SLC38A1: variants seen among roughly 807,000 people sequenced by gnomAD.
SLC38A1 encodes the protein solute carrier family 38 member 1.
Under a neutral mutation model 60.3 loss-of-function variants are expected in SLC38A1, and 18 were observed. The ratio of observed to expected loss-of-function variants is 0.30; its 90% CI spans 0.21 to 0.44. The LOEUF is 0.44. Among genes scored for constraint, SLC38A1 ranks in the 20% least tolerant of loss-of-function variants. The pLI is 1.00. For synonymous variants in SLC38A1, 196 were observed against 212.1 expected, an observed-to-expected ratio of 0.92 and a Z score of 0.66; for missense variants, 448 against 587.2, an observed-to-expected ratio of 0.76 and a Z score of 2.45.
intron 16 of SLC38A1, among the ~76,000 whole-genome samples, chr12:46,191,885 A>C (rs1024386513): frequency 6.6e-6 from 1 of 152,170 alleles, no homozygotes; most frequent in African/African-American, 2.4e-5. Flanking sequence ...AACAGAGACA[A>C]TTTGACTTCC....
intron 16 of SLC38A1, among the ~76,000 whole-genome samples, chr12:46,189,380 C>T (rs780029157): frequency 2.3e-4 from 35 of 152,146 alleles, no homozygotes; most frequent in Non-Finnish European, 4.7e-4. Flanking sequence ...TATGGCTTCT[C>T]TCAAACTAAG....
intron 5 of SLC38A1, among the ~76,000 whole-genome samples, chr12:46,227,980 G>GA (rs1375397257): frequency 2.6e-5 from 4 of 152,074 alleles, no homozygotes; most frequent in African/African-American, 9.7e-5. Context: ...AATCACCATA[G>GA]AAATATGTTG....
Position 46,199,306 on chromosome 12 carries a change from TTTG to T in SLC38A1, c.1004-566_1004-564del, listed in dbSNP as rs1439531393. ...AAAAAAAAATTAGTTTATGTACTAC[TTTG>T]TGTGTGTGTGTGTGTGTGTGTGTGT... On this transcript the variant is annotated intron_variant, in intron 13 of 16. Coordinates refer to ENST00000398637, the MANE Select transcript of SLC38A1 (RefSeq NM_030674.4). Among the ~76,000 whole-genome samples, 3 of 110,858 alleles carry T rather than the reference TTTG, an allele frequency of 2.7e-5. No individual in the cohort carries two copies. The East Asian group carries it at 7.7e-4, about 29-fold the overall frequency. 72.7% of individuals were successfully genotyped at this position (110,858 alleles called of 152,430 possible). A position where few individuals can be genotyped will look rare whatever the true frequency, so the allele number is the denominator to read the frequency against.
chr12:46,212,720 CT>C (rs1940229981), intron 5 of SLC38A1, among the ~76,000 whole-genome samples: 1 of 152,142 alleles, frequency 6.6e-6, no homozygotes, highest in East Asian at 1.9e-4. Flanking sequence ...CAGAGAGAAC[CT>C]AGTCCAGCAC....
rs1356119297 is a variant in SLC38A1, at chr12:46,184,922, G to C, written c.*4048C>G. ...CCTGTGTTTAGGAATTTGCACCTGC[G>C]CTGCTATTTTCAACGAGAAGGGGAT... On this transcript the variant is annotated 3_prime_UTR_variant, in exon 17 of 17. Coordinates refer to ENST00000398637, the MANE Select transcript of SLC38A1 (RefSeq NM_030674.4). 1.3e-5 allele frequency: 2 copies of C among 152,000 alleles called. No individual in the cohort carries two copies. Among genetic ancestry groups the C allele is most frequent in the African/African-American group, 4.8e-5 (2 of 41,314 alleles). The allele number at this position is 152,000 out of a possible 1,614,324, so 9.4% of individuals were successfully genotyped here. A position where few individuals can be genotyped will look rare whatever the true frequency, so the allele number is the denominator to read the frequency against.
Position 46,185,694 on chromosome 12 carries a change from C to T in SLC38A1, c.*3276G>A, listed in dbSNP as rs977294645. 2 of 152,048 alleles carry T rather than the reference C, an allele frequency of 1.3e-5. No individual in the cohort carries two copies. The highest frequency in any genetic ancestry group is 4.8e-5 in the African/African-American group (2 of 41,360). 9.4% of individuals were successfully genotyped at this position (152,048 alleles called of 1,614,324 possible). A position where few individuals can be genotyped will look rare whatever the true frequency, so the allele number is the denominator to read the frequency against. On this transcript the variant is annotated 3_prime_UTR_variant, in exon 17 of 17. Transcript: ENST00000398637. ...ACAAACAGAAGAAGGCACACCAAGC[C>T]TGAACCCTCCGGACAACAGCAGAGT...
chr12:46,218,264 C>T (rs1461646695), intron 5 of SLC38A1, among the ~76,000 whole-genome samples: 1 of 152,114 alleles, frequency 6.6e-6, no homozygotes, highest in Non-Finnish European at 1.5e-5. Context: ...TCCCACTCCA[C>T]AAGGACAAGT....
chr12:46,249,068 A>C (rs1460474795), intron 1 of SLC38A1, among the ~76,000 whole-genome samples: 2 of 150,968 alleles, frequency 1.3e-5, no homozygotes, highest in South Asian at 2.1e-4. Flanking sequence ...AGGCAGGAGA[A>C]TCGCTTGAAC....
intron 16 of SLC38A1, among the ~76,000 whole-genome samples, chr12:46,195,075 A>G (rs140123295): frequency 8.9e-4 from 135 of 152,218 alleles, no homozygotes; most frequent in Admixed American, 2.4e-3. Context: ...TTGTGGTTTT[A>G]TCTACCTTTG....
At chr12:46,200,602 A>G (rs1939613325) in intron 13 of SLC38A1, among the ~76,000 whole-genome samples, 1 of 152,126 alleles carries the variant, frequency 6.6e-6, no homozygotes, top group Admixed American at 6.5e-5. Context: ...TTCAGATTTC[A>G]TTTTTTAAAA....
intron 3 of SLC38A1, among the ~76,000 whole-genome samples, chr12:46,237,508 A>G (rs1941301544): frequency 6.6e-6 from 1 of 151,634 alleles, no homozygotes; most frequent in South Asian, 2.1e-4. Context: ...ACAAACAAAA[A>G]CTCATCACAC....
At chr12:46,261,439 G>C (rs966871988) in intron 1 of SLC38A1, among the ~76,000 whole-genome samples, 7 of 152,082 alleles carry the variant, frequency 4.6e-5, no homozygotes, top group Non-Finnish European at 1.5e-5. Flanking sequence ...CATCTCAAAG[G>C]TCTAGTATAT....
rs1264517962 is a variant in SLC38A1 at position 46,186,879 on chromosome 12, T to C, written c.*2091A>G. Reference sequence around the variant, plus strand: ...ATAATATAGCTTGCAAACTAAATTATGTATTTTTAAAGGTACAGTCATCCC... The same window carrying C: ...ATAATATAGCTTGCAAACTAAATTACGTATTTTTAAAGGTACAGTCATCCC... On this transcript the variant is annotated 3_prime_UTR_variant, in exon 17 of 17. Transcript: ENST00000398637. 6.6e-6 allele frequency: 1 copy of C among 152,212 alleles called. No individual in the cohort carries two copies. The highest frequency in any genetic ancestry group is 6.5e-5 in the Admixed American group (1 of 15,274). 9.4% of individuals were successfully genotyped at this position (152,212 alleles called of 1,614,324 possible). A position where few individuals can be genotyped will look rare whatever the true frequency, so the allele number is the denominator to read the frequency against.
At chr12:46,256,611 GCGCACACA>G (rs1942033496) in intron 1 of SLC38A1, among the ~76,000 whole-genome samples, 1 of 112,998 alleles carries the variant, frequency 8.8e-6, no homozygotes, top group Non-Finnish European at 1.9e-5. Flanking sequence ...GCGCGCGCGC[GCGCACACA>G]CACACACACA....
intron 1 of SLC38A1, among the ~76,000 whole-genome samples, chr12:46,245,404 G>A (rs1941580993): frequency 6.6e-6 from 1 of 152,164 alleles, no homozygotes; most frequent in African/African-American, 2.4e-5. Context: ...AATCCATACT[G>A]CAATGAGCTA....
chr12:46,255,099 A>T (rs974690392), intron 1 of SLC38A1, among the ~76,000 whole-genome samples: 2 of 152,194 alleles, frequency 1.3e-5, no homozygotes, highest in Non-Finnish European at 2.9e-5. Flanking sequence ...TTCTAATGTC[A>T]CAATTTCCAA....
At chr12:46,261,374 A>G (rs1477889338) in intron 1 of SLC38A1, among the ~76,000 whole-genome samples, 3 of 152,236 alleles carry the variant, frequency 2.0e-5, no homozygotes, top group Admixed American at 6.5e-5. Flanking sequence ...AAGGGGGCTC[A>G]TATTTCAGTA....
At chr12:46,235,991 T>A (rs1038074733) in intron 3 of SLC38A1, among the ~76,000 whole-genome samples, 5 of 152,220 alleles carry the variant, frequency 3.3e-5, no homozygotes, top group Non-Finnish European at 7.4e-5. Context: ...ATGTCATTGC[T>A]TCTTGAGGTG....
intron 10 of SLC38A1, 37 bp downstream of exon 10, chr12:46,204,495 T>C (rs1436601079): frequency 1.3e-5 from 21 of 1,606,358 alleles, no homozygotes; most frequent in Non-Finnish European, 1.7e-5. Context: ...CATTGTACTA[T>C]CACAAAACCA....
Sources: gnomAD v4.1 joint callset for allele counts (sites outside exome capture counted in the v4.1 genomes callset) on GRCh38, gnomAD v4.1.1 for gene constraint, MANE v1.5 for transcripts, NCBI Gene and HGNC (gene_info 2026-07-23, HGNC 2026-07-21) for gene names.